The following SEPTIN7 variants were observed in gnomAD, a reference collection of about 807,000 sequenced individuals.
SEPTIN7 encodes the protein septin 7, also known as septin-7.
SEPTIN7 carries 10 observed loss-of-function variants against 63.3 expected under a neutral mutation model. That is an observed-to-expected ratio of 0.16 (90% CI 0.10 to 0.27). The LOEUF is 0.27. Ranked by LOEUF, SEPTIN7 falls within the 10% of genes least tolerant of loss-of-function variation. The probability of loss-of-function intolerance (pLI) is 1.00; values close to 1 mark genes in which losing one functional copy is unlikely to be tolerated. For missense variants in SEPTIN7, 310 were observed against 521.0 expected (o/e 0.59, Z 3.94); for synonymous variants, 131 against 165.3 (o/e 0.79, Z 1.59).
At chr7:35,880,223 C>CTTTTTTTTTTTTTTTTTTTTTTTTT in intron 7 of SEPTIN7, among the ~76,000 whole-genome samples, 466 of 72,828 alleles carry the variant, frequency 6.4e-3, no homozygotes, top group Non-Finnish European at 7.0e-3. Flanking sequence ...TTTTTCTTTT[C>CTTTTTTTTTTTTTTTTTTTTTTTTT]TTTTTTTTTT....
chr7:35,871,199 T>C (rs75275166), intron 4 of SEPTIN7, among the ~76,000 whole-genome samples: 2,248 of 152,270 alleles, frequency 0.015, 51 homozygotes, highest in African/African-American at 0.05. Flanking sequence ...TTAAAGAACA[T>C]TAAAAGATAA....
At chr7:35,890,576 TTG>T in intron 10 of SEPTIN7, 90 bp from the exon 11 acceptor site, 1 of 1,157,232 alleles carries the variant, frequency 8.6e-7, no homozygotes, top group East Asian at 2.9e-5. Flanking sequence ...AATTTTTGTT[TTG>T]GTAAAATTTT....
At chr7:35,815,666 A>G (rs1789013070) in intron 1 of SEPTIN7, among the ~76,000 whole-genome samples, 2 of 152,212 alleles carry the variant, frequency 1.3e-5, no homozygotes, top group Admixed American at 6.5e-5. Flanking sequence ...GTTAGTTAAT[A>G]TAGTATGCTA....
At chr7:35,894,560 T>C (rs921522099) in intron 11 of SEPTIN7, among the ~76,000 whole-genome samples, 1 of 152,188 alleles carries the variant, frequency 6.6e-6, no homozygotes, top group Non-Finnish European at 1.5e-5. Context: ...TTTCATGAAA[T>C]TATAATGATA....
chr7:35,861,264 C>G (rs114715163), intron 3 of SEPTIN7, among the ~76,000 whole-genome samples: 3 of 152,136 alleles, frequency 2.0e-5, no homozygotes, highest in African/African-American at 4.8e-5. Flanking sequence ...TAAAGTCTGT[C>G]TAATAAATCT....
At position 35,901,442 on chromosome 7, in the gene SEPTIN7, TTATACTTGTTGCCCCAGA is replaced by T. The variant is rs1788315499; in HGVS notation, c.1135-1631_1135-1614del. ...AACAAATAAAAAGTAATGTGTTTGATTATACTTGTTGCCCCAGATAGCCCAGGAGGTATTTTATAAATA... is the reference window on the plus strand; with the variant it reads ...AACAAATAAAAAGTAATGTGTTTGATTAGCCCAGGAGGTATTTTATAAATA... On this transcript the variant is annotated intron_variant, in intron 12 of 13. Transcript: ENST00000350320. 6 of 152,348 alleles carry T rather than the reference TTATACTTGTTGCCCCAGA, an allele frequency of 3.9e-5. No homozygotes were observed. The South Asian group carries it at 1.2e-3, about 32-fold the overall frequency. 9.4% of individuals were successfully genotyped at this position (152,348 alleles called of 1,614,324 possible). A position where few individuals can be genotyped will look rare whatever the true frequency, so the allele number is the denominator to read the frequency against.
At position 35,883,912 on chromosome 7, in the gene SEPTIN7, G is replaced by A. The variant is rs767670433; in HGVS notation, c.745G>A (p.Val249Ile). ...ATAGGACCGTTTACCTCTTGCTGTG[G>A]TAGGTAGTAATACTATCATTGAAGT... is the stretch of plus-strand genomic sequence containing the variant. The part of the protein sequence containing the change: ...KIKDRLPLAV[V>I]GSNTIIEVNG... The change falls in exon 9 of 14, where the codon GTA (valine) becomes ATA (isoleucine). Residue 249 changes from valine to isoleucine, a missense_variant. By Grantham distance (29) the Val-to-Ile change is conservative. This residue lies in a region of SEPTIN7 where 255 missense variants were observed against 490.5 expected (regional missense o/e 0.52). Transcript: ENST00000350320. 2 of 1,605,556 alleles carry A rather than the reference G, an allele frequency of 1.2e-6. No individual in the cohort carries two copies. Among genetic ancestry groups the A allele is most frequent in the East Asian group, 4.5e-5 (2 of 44,768 alleles).
In SEPTIN7 at chr7:35,885,882, A is replaced by G; in HGVS notation, c.872+3A>G. 1 of 1,582,534 alleles carries G rather than the reference A, an allele frequency of 6.3e-7. No homozygotes were observed. The highest frequency in any genetic ancestry group is 8.7e-7 in the Non-Finnish European group (1 of 1,153,924). On this transcript the variant is annotated splice_donor_region_variant and intron_variant, in intron 10 of 13. Coordinates refer to ENST00000350320, the MANE Select transcript of SEPTIN7 (RefSeq NM_001788.6). ...ATCCTAAGAAATATGTTGATAAGGT[A>G]AGTGCAAGCAATGATGGAAATAGCA...
chr7:35,880,514 T>C (rs1177708392), intron 7 of SEPTIN7, among the ~76,000 whole-genome samples: 4 of 152,126 alleles, frequency 2.6e-5, no homozygotes, highest in Admixed American at 6.5e-5. Flanking sequence ...GTCATTTTTT[T>C]CCCCCTTTTT....
Position 35,904,851 on chromosome 7 carries a change from TATAA to T in SEPTIN7, c.*559_*562del. On this transcript the variant is annotated 3_prime_UTR_variant, in exon 14 of 14. Transcript: ENST00000350320. ...GCTTACTGTGCACCTAGAGCTTTTT[TATAA>T]CAACGTCTTTTTGTTTGTTTGTTTT... The T allele has an allele frequency of 6.5e-6, 1 of 152,694 alleles. No individual in the cohort carries two copies. The highest frequency in any genetic ancestry group is 1.5e-5 in the Non-Finnish European group (1 of 68,004). The allele number at this position is 152,694 out of a possible 1,614,324, so 9.5% of individuals were successfully genotyped here. A position where few individuals can be genotyped will look rare whatever the true frequency, so the allele number is the denominator to read the frequency against.
intron 4 of SEPTIN7, among the ~76,000 whole-genome samples, chr7:35,871,218 C>T (rs17172017): frequency 0.071 from 10,761 of 152,188 alleles, 424 homozygotes; most frequent in South Asian, 0.18. Flanking sequence ...AAGAATTTGG[C>T]ATCTCATTTC....
intron 1 of SEPTIN7, among the ~76,000 whole-genome samples, chr7:35,817,008 GTTTT>G (rs372234064): frequency 8.4e-5 from 12 of 142,060 alleles, no homozygotes. Context: ...AATTCCACAG[GTTTT>G]TTTTTTTTTT....
Position 35,887,873 on chromosome 7 carries a change from A to G in SEPTIN7, c.872+1994A>G, listed in dbSNP as rs1195748925. ...AAGCCATCTAGTGGATATTTAATAAATACTTGAAGGAAGGAAATAAAATAC... is the reference window on the plus strand; with the variant it reads ...AAGCCATCTAGTGGATATTTAATAAGTACTTGAAGGAAGGAAATAAAATAC... On this transcript the variant is annotated intron_variant, in intron 10 of 13. Coordinates refer to ENST00000350320, the MANE Select transcript of SEPTIN7 (RefSeq NM_001788.6). 2.0e-5 allele frequency among the ~76,000 whole-genome samples: 3 copies of G among 152,260 alleles called. No homozygotes were observed. In the East Asian group the frequency reaches 5.8e-4, roughly 29 times the overall value.
At chr7:35,872,306 A>T (rs1156504966) in intron 4 of SEPTIN7, among the ~76,000 whole-genome samples, 1 of 152,164 alleles carries the variant, frequency 6.6e-6, no homozygotes, top group Non-Finnish European at 1.5e-5. Flanking sequence ...TAAATCACTC[A>T]AACTGCTTAT....
intron 3 of SEPTIN7, among the ~76,000 whole-genome samples, chr7:35,856,722 C>T (rs1233642158): frequency 6.6e-6 from 1 of 152,108 alleles, no homozygotes; most frequent in East Asian, 1.9e-4. Flanking sequence ...CAAGGGGGAG[C>T]TTTTGTTTCA....
chr7:35,908,873 T>G (rs986664887), downstream of SEPTIN7, among the ~76,000 whole-genome samples: 4 of 152,208 alleles, frequency 2.6e-5, no homozygotes, highest in Non-Finnish European at 5.9e-5. Flanking sequence ...GGCATACAAC[T>G]TTTTTACCCC....
chr7:35,804,866 C>T (rs760493182), intron 1 of SEPTIN7, among the ~76,000 whole-genome samples: 5 of 100,574 alleles, frequency 5.0e-5, no homozygotes, highest in Admixed American at 1.4e-4. Flanking sequence ...GACGTAATTT[C>T]GCTCTTGCTG....
intron 11 of SEPTIN7, among the ~76,000 whole-genome samples, chr7:35,895,651 C>T (rs1467652673): frequency 6.6e-6 from 1 of 152,122 alleles, no homozygotes; most frequent in Non-Finnish European, 1.5e-5. Flanking sequence ...AGGGCACATA[C>T]CTTAATAATT....
chr7:35,884,090 C>G, intron 9 of SEPTIN7, 103 bp downstream of exon 9: 1 of 619,036 alleles, frequency 1.6e-6, no homozygotes, highest in Non-Finnish European at 2.8e-6. Context: ...TTGATATAGT[C>G]TAGATTTTCA....
Sources: allele counts gnomAD v4.1 joint callset (sites outside exome capture counted in the v4.1 genomes callset), GRCh38; gene constraint gnomAD v4.1.1; regional missense constraint gnomAD v4.1.1; transcripts MANE v1.5; gene names NCBI Gene and HGNC (gene_info 2026-07-23, HGNC 2026-07-21).